The following NDC80 variants were observed in gnomAD, a reference collection of about 807,000 sequenced individuals.
The protein encoded by NDC80 is kinetochore protein NDC80 homolog.
Under a neutral mutation model 89.3 loss-of-function variants are expected in NDC80, and 69 were observed. That is an observed-to-expected ratio of 0.77 (90% CI 0.64 to 0.94). The LOEUF (loss-of-function observed/expected upper bound fraction) is 0.94. NDC80 is among the 40% of genes least tolerant of loss of function. The pLI is 0.00. For synonymous variants in NDC80, 243 were observed against 255.6 expected (o/e 0.95, Z 0.47); for missense variants, 593 against 739.6 (o/e 0.80, Z 2.30).
chr18:2,583,677 G>A (rs986450914), intron 6 of NDC80, among the ~76,000 whole-genome samples: 6 of 144,702 alleles, frequency 4.1e-5, no homozygotes, highest in East Asian at 2.0e-4. Flanking sequence ...CAGCCTGGGC[G>A]ACAGAGGGAG....
intron 13 of NDC80, among the ~76,000 whole-genome samples, chr18:2,604,243 T>A (rs2072698830): frequency 6.6e-6 from 1 of 152,222 alleles, no homozygotes; most frequent in African/African-American, 2.4e-5. Context: ...CATAATACAC[T>A]TAAGTACAGG....
chr18:2,589,924 C>A, intron 9 of NDC80, 94 bp from the exon 10 acceptor site: 5 of 857,842 alleles, frequency 5.8e-6, no homozygotes, highest in East Asian at 3.8e-5. Flanking sequence ...ATCTACCTTT[C>A]TCTAAAATAA....
chr18:2,610,438 A>G (rs754274914), intron 15 of NDC80, among the ~76,000 whole-genome samples: 4 of 152,080 alleles, frequency 2.6e-5, no homozygotes, highest in Non-Finnish European at 2.9e-5. Flanking sequence ...CTACTCCCCC[A>G]TTTGCAAATT....
chr18:2,613,147 T>C (rs1187299074), intron 16 of NDC80, among the ~76,000 whole-genome samples: 2 of 152,238 alleles, frequency 1.3e-5, no homozygotes, highest in African/African-American at 4.8e-5. Flanking sequence ...GCAGGCCCAA[T>C]TGGGCCTACA....
chr18:2,603,175 A>G (rs1253395425), intron 13 of NDC80, among the ~76,000 whole-genome samples: 1 of 152,050 alleles, frequency 6.6e-6, no homozygotes, highest in African/African-American at 2.4e-5. Context: ...GATGGTCATT[A>G]GAGCATATGT....
chr18:2,591,605 A>G (rs1156807439), intron 10 of NDC80, among the ~76,000 whole-genome samples: 3 of 151,680 alleles, frequency 2.0e-5, no homozygotes, highest in African/African-American at 7.3e-5. Flanking sequence ...TTATATATAT[A>G]TATTGGATTT....
intron 1 of NDC80, among the ~76,000 whole-genome samples, chr18:2,572,128 G>C (rs1056023156): frequency 1.3e-5 from 2 of 152,224 alleles, no homozygotes; most frequent in Non-Finnish European, 2.9e-5. Flanking sequence ...GAGTGGAAAA[G>C]TTGAATAGAT....
rs1334376404 is a variant in NDC80, at chr18:2,577,969, T to C, written c.304T>C (p.Phe102Leu). Residue 102 changes from phenylalanine to leucine, a missense_variant and splice_region_variant, in exon 5 of 17, where the codon TTT becomes CTT. By Grantham distance (22) the Phe-to-Leu change is conservative. Transcript: ENST00000261597. The stretch of plus-strand genomic sequence containing the variant: ...TGGTGGTTCATAAAAATTATTGTAG[T>C]TTCTTACAGAAAATGGTTATGCACA... The part of the protein sequence containing the change: ...IQQCIRQLCE[F>L]LTENGYAHNV... 6.2e-7 allele frequency: 1 copy of C among 1,610,738 alleles called. No individual in the cohort carries two copies. Among genetic ancestry groups the C allele is most frequent in the Non-Finnish European group, 8.5e-7 (1 of 1,178,414 alleles).
At chr18:2,603,378 T>TATATATATATATATATATATATATATAC (rs1491296244) in intron 13 of NDC80, among the ~76,000 whole-genome samples, 1 of 143,512 alleles carries the variant, frequency 7.0e-6, no homozygotes, top group South Asian at 2.2e-4. Flanking sequence ...TATATATATA[T>TATATATATATATATATATATATATATAC]ACACCTATGT....
chr18:2,579,418 ATTTTG>A (rs2072564774), intron 6 of NDC80, among the ~76,000 whole-genome samples: 1 of 152,028 alleles, frequency 6.6e-6, no homozygotes. Flanking sequence ...TCCTTGTGAT[ATTTTG>A]TTTTGTTTTG....
At chr18:2,612,757 T>C (rs930111379) in intron 16 of NDC80, among the ~76,000 whole-genome samples, 20 of 152,246 alleles carry the variant, frequency 1.3e-4, no homozygotes, top group Non-Finnish European at 2.5e-4. Context: ...AGTTTCTGTA[T>C]AGTTTGGTGT....
At chr18:2,591,476 C>A (rs964430314) in intron 10 of NDC80, among the ~76,000 whole-genome samples, 1 of 151,980 alleles carries the variant, frequency 6.6e-6, no homozygotes, top group Non-Finnish European at 1.5e-5. Context: ...GAGTTGTATA[C>A]ATGGCCCTTA....
At chr18:2,613,665 A>T (rs2072756778) in intron 16 of NDC80, among the ~76,000 whole-genome samples, 1 of 152,234 alleles carries the variant, frequency 6.6e-6, no homozygotes, top group African/African-American at 2.4e-5. Context: ...CTATCTTTAT[A>T]CTTTAGGGGT....
At chr18:2,610,590 C>T (rs1170537793) in intron 15 of NDC80, among the ~76,000 whole-genome samples, 169 bp from the exon 16 acceptor site, 1 of 152,134 alleles carries the variant, frequency 6.6e-6, no homozygotes, top group African/African-American at 2.4e-5. Context: ...GTTTATATTT[C>T]TCTTTTAATT....
intron 9 of NDC80, among the ~76,000 whole-genome samples, 180 bp downstream of exon 9, chr18:2,589,490 T>G (rs537759594): frequency 1.2e-4 from 19 of 152,334 alleles, no homozygotes; most frequent in Admixed American, 7.2e-4. Flanking sequence ...GAGCCTTGTT[T>G]TCCCTTGCGG....
In NDC80 at chr18:2,577,901, G is replaced by A. The variant is rs373612761; in HGVS notation, c.303+32G>A. The A allele has an allele frequency of 9.3e-6, 15 of 1,610,180 alleles. No individual in the cohort carries two copies. In the African/African-American group the frequency reaches 1.1e-4, roughly 11 times the overall value. ...TAGGATTTTAATCTAAACTGTGATTGTTGTCATAGGTATTTTCCAATAATT... is the reference window on the plus strand; with the variant it reads ...TAGGATTTTAATCTAAACTGTGATTATTGTCATAGGTATTTTCCAATAATT... On this transcript the variant is annotated intron_variant, in intron 4 of 16. Transcript: ENST00000261597.
chr18:2,578,900 A>T (rs754262927), intron 5 of NDC80, 27 bp from the exon 6 acceptor site: 2 of 1,292,836 alleles, frequency 1.5e-6, no homozygotes, highest in Non-Finnish European at 2.1e-6. Context: ...ACATTAAATT[A>T]GCTTATGTTT....
At chr18:2,597,687 A>T (rs965188896) in intron 11 of NDC80, among the ~76,000 whole-genome samples, 4 of 151,934 alleles carry the variant, frequency 2.6e-5, no homozygotes, top group African/African-American at 9.7e-5. Flanking sequence ...CCAAGATCCC[A>T]CTATTGCACT....
At chr18:2,606,250 T>C (rs559873987) in intron 13 of NDC80, among the ~76,000 whole-genome samples, 165 bp from the exon 14 acceptor site, 299 of 152,076 alleles carry the variant, frequency 2.0e-3, no homozygotes, top group African/African-American at 6.8e-3. Flanking sequence ...TAATTTCTCT[T>C]TGGAGAATAA....
Sources: allele counts gnomAD v4.1 joint callset (sites outside exome capture counted in the v4.1 genomes callset), GRCh38; gene constraint gnomAD v4.1.1; transcripts MANE v1.5; gene names NCBI Gene and HGNC (gene_info 2026-07-23, HGNC 2026-07-21).